The following GIPC3 variants were observed in gnomAD, a reference collection of about 807,000 sequenced individuals.
GIPC3 encodes the protein PDZ domain-containing protein GIPC3.
In GIPC3, 16 loss-of-function variants were observed where a neutral mutation model predicts 27.3. That is an observed-to-expected ratio of 0.59 (90% CI 0.40 to 0.89). The LOEUF (loss-of-function observed/expected upper bound fraction) is 0.89, where lower values mean the gene tolerates loss of function less well. GIPC3 is among the 40% of genes least tolerant of loss of function. The pLI, the probability that GIPC3 is intolerant of heterozygous loss-of-function variation, is 0.00. For missense variants in GIPC3, 440 were observed against 442.1 expected (o/e 1.00, Z 0.04); for synonymous variants, 194 against 184.6 (o/e 1.05, Z -0.41).
Position 3,592,715 on chromosome 19 carries a change from C to T in GIPC3, c.*2525C>T. On this transcript the variant is annotated 3_prime_UTR_variant, in exon 6 of 6. Transcript: ENST00000644452. ...CCCAGTCCAGCTCTGAGACCGGGCT[C>T]AGCTCTGAAACCCAGACCGGCTCAA... 8.1e-7 allele frequency: 1 copy of T among 1,230,580 alleles called. No homozygotes were observed. Among genetic ancestry groups the T allele is most frequent in the Middle Eastern group, 3.1e-4 (1 of 3,196 alleles). 76.2% of individuals were successfully genotyped at this position (1,230,580 alleles called of 1,614,324 possible).
Position 3,586,630 on chromosome 19 carries a change from G to C in GIPC3, c.361G>C (p.Ala121Pro). 1 of 1,613,002 alleles carries C rather than the reference G, an allele frequency of 6.2e-7. No homozygotes were observed. The change falls in exon 2 of 6, where the codon GCT becomes CCT. Residue 121 changes from alanine (A) to proline (P), a missense_variant. Transcript: ENST00000644452. ...GGTGGAGGTCACTAAGACAGAGGAT[G>C]CTCTGGGGCTGACCATCACGGACAA... is the stretch of plus-strand genomic sequence containing the variant. ...KEVEVTKTED[A>P]LGLTITDNGA... is the part of the protein sequence containing the mutation.
At chr19:3,588,727 G>A (rs921831972) in intron 3 of GIPC3, among the ~76,000 whole-genome samples, 3 of 151,284 alleles carry the variant, frequency 2.0e-5, no homozygotes, top group South Asian at 2.1e-4. Context: ...GGTGCATCAC[G>A]AGGTCAGGAG....
Position 3,593,213 on chromosome 19 carries a change from G to A in GIPC3, c.*3023G>A. ...CCCTCCTGAGTTCCCAGCTGTCTGA[G>A]TCCCCAGCTTTGGCGCCAGCCCTTT... is the stretch of plus-strand genomic sequence containing the variant. On this transcript the variant is annotated 3_prime_UTR_variant, in exon 6 of 6. Transcript: ENST00000644452. The A allele has an allele frequency of 8.1e-7, 1 of 1,232,508 alleles. No homozygotes were observed. Among genetic ancestry groups the A allele is most frequent in the Non-Finnish European group, 1.0e-6 (1 of 988,248 alleles). The allele number at this position is 1,232,508 out of a possible 1,614,324, so 76.3% of individuals were successfully genotyped here. A position where few individuals can be genotyped will look rare whatever the true frequency, so the allele number is the denominator to read the frequency against.
At position 3,592,209 on chromosome 19, in the gene GIPC3, C is replaced by A. The variant is rs1226349313; in HGVS notation, c.*2019C>A. The A allele has an allele frequency of 8.1e-7, 1 of 1,232,004 alleles. No individual in the cohort carries two copies. The highest frequency in any genetic ancestry group is 4.2e-5 in the Admixed American group (1 of 23,692). The allele number at this position is 1,232,004 out of a possible 1,614,324, so 76.3% of individuals were successfully genotyped here. ...GACCCAGCGCTGCCCAGGAGCTCGACCAGCCTCTGGGACTCAATTCGCCTC... is the reference window on the plus strand; with the variant it reads ...GACCCAGCGCTGCCCAGGAGCTCGAACAGCCTCTGGGACTCAATTCGCCTC... On this transcript the variant is annotated 3_prime_UTR_variant, in exon 6 of 6. Coordinates refer to ENST00000644452, the MANE Select transcript of GIPC3 (RefSeq NM_133261.3).
chr19:3,590,328 A>G lies in GIPC3; in HGVS notation c.*138A>G. 1 of 1,452,742 alleles carries G rather than the reference A, an allele frequency of 6.9e-7. No homozygotes were observed. Among genetic ancestry groups the G allele is most frequent in the African/African-American group, 1.4e-5 (1 of 70,606 alleles). The allele number at this position is 1,452,742 out of a possible 1,614,324, so 90.0% of individuals were successfully genotyped here. A position where few individuals can be genotyped will look rare whatever the true frequency, so the allele number is the denominator to read the frequency against. ...CAATTTGGAGCCCCAGCCCAACTCC[A>G]GAACCCAACCCTTCTCTAGAATCCA... On this transcript the variant is annotated 3_prime_UTR_variant, in exon 6 of 6. Coordinates refer to ENST00000644452, the MANE Select transcript of GIPC3 (RefSeq NM_133261.3).
Position 3,590,219 on chromosome 19 carries a change from C to T in GIPC3, c.*29C>T. 1 of 1,563,222 alleles carries T rather than the reference C, an allele frequency of 6.4e-7. No homozygotes were observed. Among genetic ancestry groups the T allele is most frequent in the East Asian group, 2.4e-5 (1 of 42,396 alleles). On this transcript the variant is annotated 3_prime_UTR_variant, in exon 6 of 6. Coordinates refer to ENST00000644452, the MANE Select transcript of GIPC3 (RefSeq NM_133261.3). ...GCCCTGGGGGGGCCCAGCACAGCCC[C>T]AGCCCGGAGCCCAGCCCCCTGCCCC... is the stretch of plus-strand genomic sequence containing the variant.
intron 4 of GIPC3, 99 bp from the exon 5 acceptor site, chr19:3,589,732 G>A (rs2032444543): frequency 1.6e-6 from 2 of 1,247,030 alleles, no homozygotes; most frequent in Admixed American, 1.7e-5. Flanking sequence ...TCGTGTGAGG[G>A]TCCAGTCTAC....
In GIPC3 at chr19:3,591,524, T is replaced by C; in HGVS notation, c.*1334T>C. On this transcript the variant is annotated 3_prime_UTR_variant, in exon 6 of 6. Coordinates refer to ENST00000644452, the MANE Select transcript of GIPC3 (RefSeq NM_133261.3). ...GAACCCCAGTTAATTTTGGAACCCA[T>C]GTGAGATTCATGAAGCAGCCCAGCT... The C allele has an allele frequency of 8.1e-7, 1 of 1,232,428 alleles. No homozygotes were observed. Among genetic ancestry groups the C allele is most frequent in the Non-Finnish European group, 1.0e-6 (1 of 988,508 alleles). The allele number at this position is 1,232,428 out of a possible 1,614,324, so 76.3% of individuals were successfully genotyped here.
chr19:3,593,053 C>A lies in GIPC3; in HGVS notation c.*2863C>A. On this transcript the variant is annotated 3_prime_UTR_variant, in exon 6 of 6. Transcript: ENST00000644452. ...GGCCCCATCCCAGGCTTACCCCAAGCCTCCTACCTGGCCCCACAGTCACAG... is the reference window on the plus strand; with the variant it reads ...GGCCCCATCCCAGGCTTACCCCAAGACTCCTACCTGGCCCCACAGTCACAG... The A allele has an allele frequency of 8.1e-7, 1 of 1,232,388 alleles. No homozygotes were observed. Among genetic ancestry groups the A allele is most frequent in the Non-Finnish European group, 1.0e-6 (1 of 988,330 alleles). 76.3% of individuals were successfully genotyped at this position (1,232,388 alleles called of 1,614,324 possible). A position where few individuals can be genotyped will look rare whatever the true frequency, so the allele number is the denominator to read the frequency against.
In GIPC3 at chr19:3,592,467, T is replaced by C. The variant is rs2032504041; in HGVS notation, c.*2277T>C. 3.2e-6 allele frequency: 4 copies of C among 1,231,840 alleles called. No individual in the cohort carries two copies. In the Admixed American group the frequency reaches 1.7e-4, roughly 52 times the overall value. 76.3% of individuals were successfully genotyped at this position (1,231,840 alleles called of 1,614,324 possible). On this transcript the variant is annotated 3_prime_UTR_variant, in exon 6 of 6. Transcript: ENST00000644452. ...ACCCAGCTCCAGAACTCAGACTAGTTCTGGAAACCAGCTCAGCTCCGGGAC... is the reference window on the plus strand; with the variant it reads ...ACCCAGCTCCAGAACTCAGACTAGTCCTGGAAACCAGCTCAGCTCCGGGAC...
At position 3,593,132 on chromosome 19, in the gene GIPC3, C is replaced by T. The variant is rs1410963637; in HGVS notation, c.*2942C>T. ...TCTCTCCCAAGCCCCGGGTGGGACC[C>T]CAGAAGTCCACCCCACCCACCATAT... On this transcript the variant is annotated 3_prime_UTR_variant, in exon 6 of 6. Coordinates refer to ENST00000644452, the MANE Select transcript of GIPC3 (RefSeq NM_133261.3). 6 of 1,232,194 alleles carry T rather than the reference C, an allele frequency of 4.9e-6. No homozygotes were observed. The highest frequency in any genetic ancestry group is 6.1e-6 in the Non-Finnish European group (6 of 988,254). 76.3% of individuals were successfully genotyped at this position (1,232,194 alleles called of 1,614,324 possible).
chr19:3,590,314 C>A lies in GIPC3; in HGVS notation c.*124C>A. The A allele has an allele frequency of 1.4e-6, 2 of 1,458,918 alleles. No homozygotes were observed. The highest frequency in any genetic ancestry group is 1.8e-6 in the Non-Finnish European group (2 of 1,105,568). 90.4% of individuals were successfully genotyped at this position (1,458,918 alleles called of 1,614,324 possible). A position where few individuals can be genotyped will look rare whatever the true frequency, so the allele number is the denominator to read the frequency against. Reference sequence around the variant, plus strand: ...TCTAGAACCCAATCCAATTTGGAGCCCCAGCCCAACTCCAGAACCCAACCC... The same window carrying A: ...TCTAGAACCCAATCCAATTTGGAGCACCAGCCCAACTCCAGAACCCAACCC... On this transcript the variant is annotated 3_prime_UTR_variant, in exon 6 of 6. Transcript: ENST00000644452.
At position 3,592,310 on chromosome 19, in the gene GIPC3, G is replaced by A; in HGVS notation, c.*2120G>A. On this transcript the variant is annotated 3_prime_UTR_variant, in exon 6 of 6. Coordinates refer to ENST00000644452, the MANE Select transcript of GIPC3 (RefSeq NM_133261.3). ...GCTCTGGTATTCAACTGGACTTTGG[G>A]AAGCAGAGCAGTTCTGAAAGTCAGC... 2 of 1,232,076 alleles carry A rather than the reference G, an allele frequency of 1.6e-6. No individual in the cohort carries two copies. The allele number at this position is 1,232,076 out of a possible 1,614,324, so 76.3% of individuals were successfully genotyped here.
chr19:3,592,060 C>G lies in GIPC3; in HGVS notation c.*1870C>G. 8.1e-7 allele frequency: 1 copy of G among 1,232,182 alleles called. No homozygotes were observed. The highest frequency in any genetic ancestry group is 1.0e-6 in the Non-Finnish European group (1 of 988,116). 76.3% of individuals were successfully genotyped at this position (1,232,182 alleles called of 1,614,324 possible). A position where few individuals can be genotyped will look rare whatever the true frequency, so the allele number is the denominator to read the frequency against. ...TCCAAAACACAGACAGCAGCTGAGACCCAGCCAAGTTCCAGAATCCAGCTA... is the reference window on the plus strand; with the variant it reads ...TCCAAAACACAGACAGCAGCTGAGAGCCAGCCAAGTTCCAGAATCCAGCTA... On this transcript the variant is annotated 3_prime_UTR_variant, in exon 6 of 6. Transcript: ENST00000644452.
In GIPC3 at chr19:3,592,546, C is replaced by G. The variant is rs995231047; in HGVS notation, c.*2356C>G. On this transcript the variant is annotated 3_prime_UTR_variant, in exon 6 of 6. Transcript: ENST00000644452. The stretch of plus-strand genomic sequence containing the variant: ...CCTGGAGCTCATCTTAGCTCCAGAA[C>G]CCAGTCCAGTCCTGAGACCAGGCTC... 11 of 393,622 alleles carry G rather than the reference C, an allele frequency of 2.8e-5. No homozygotes were observed. In the African/African-American group the frequency reaches 4.4e-4, roughly 16 times the overall value. The allele number at this position is 393,622 out of a possible 1,614,324, so 24.4% of individuals were successfully genotyped here.
chr19:3,586,668 C>G lies in GIPC3; in HGVS notation c.399C>G (p.Tyr133Ter). 6.2e-7 allele frequency: 1 copy of G among 1,606,786 alleles called. No individual in the cohort carries two copies. The highest frequency in any genetic ancestry group is 8.5e-7 in the Non-Finnish European group (1 of 1,175,226). ...CCATCACGGACAACGGGGCTGGCTA[C>G]GCCTTCATCAAGGTGCCCGGGAGGG... The part of the protein sequence containing the change: ...GLTITDNGAG[Y>*]AFIKRIKEGS... Residue 133 changes from tyrosine (Y) to a stop codon, truncating the protein, a stop_gained, in exon 2 of 6, where the codon TAC becomes TAG. Coordinates refer to ENST00000644452, the MANE Select transcript of GIPC3 (RefSeq NM_133261.3). LOFTEE classifies it high-confidence loss of function.
chr19:3,587,089 C>G (rs745412843), intron 3 of GIPC3, 95 bp downstream of exon 3: 16 of 1,165,064 alleles, frequency 1.4e-5, no homozygotes, highest in Admixed American at 6.1e-5. Context: ...CTGGAAGGTT[C>G]TAGGTGCACC....
rs765235753 is a variant in GIPC3, at chr19:3,590,204, G to C, written c.*14G>C. 4.4e-5 allele frequency: 69 copies of C among 1,579,234 alleles called. No homozygotes were observed. The highest frequency in any genetic ancestry group is 1.3e-4 in the South Asian group (11 of 86,740). ...GCCTGTGGCTAGTTTGCCCTGGGGGGGCCCAGCACAGCCCCAGCCCGGAGC... is the reference window on the plus strand; with the variant it reads ...GCCTGTGGCTAGTTTGCCCTGGGGGCGCCCAGCACAGCCCCAGCCCGGAGC... On this transcript the variant is annotated 3_prime_UTR_variant, in exon 6 of 6. Coordinates refer to ENST00000644452, the MANE Select transcript of GIPC3 (RefSeq NM_133261.3).
chr19:3,590,071 GC>G lies in GIPC3; in HGVS notation c.821del (p.Ala274GlyfsTer10), dbSNP rs1211012698. The G allele has an allele frequency of 6.2e-7, 1 of 1,611,832 alleles. No homozygotes were observed. The highest frequency in any genetic ancestry group is 2.2e-5 in the East Asian group (1 of 44,820). On this transcript the variant is annotated frameshift_variant, in exon 6 of 6. Coordinates refer to ENST00000644452, the MANE Select transcript of GIPC3 (RefSeq NM_133261.3). LOFTEE classifies it high-confidence loss of function. ...CATGGTGGAGACGTCCAAGAAGACAGCGAGCGCCCAGGAGTTTGCACGCTGT... is the reference window on the plus strand; with the variant it reads ...CATGGTGGAGACGTCCAAGAAGACAGGAGCGCCCAGGAGTTTGCACGCTGT... Reference protein sequence around the residue: ...STMVETSKKTASAQEFARCLD... With the variant: ...STMVETSKKTXSAQEFARCLD...
Sources: gnomAD v4.1 joint callset for allele counts (sites outside exome capture counted in the v4.1 genomes callset) on GRCh38, gnomAD v4.1.1 for gene constraint, MANE v1.5 for transcripts, NCBI Gene and HGNC (gene_info 2026-07-23, HGNC 2026-07-21) for gene names.